The following ARHGAP21 variants were observed in gnomAD, a reference collection of about 807,000 sequenced individuals.
The protein encoded by ARHGAP21 is rho GTPase-activating protein 21.
A neutral mutation model predicts 164.6 loss-of-function variants in ARHGAP21; 38 were observed. The ratio of observed to expected loss-of-function variants is 0.23; its 90% CI spans 0.18 to 0.30. ARHGAP21 has a LOEUF of 0.30. ARHGAP21 is among the 10% of genes least tolerant of loss of function. The probability of loss-of-function intolerance (pLI) is 1.00; values close to 1 mark genes in which losing one functional copy is unlikely to be tolerated. For synonymous variants in ARHGAP21, 766 were observed against 857.9 expected, an observed-to-expected ratio of 0.89 and a Z score of 1.87; for missense variants, 1,822 against 2,370.7, an observed-to-expected ratio of 0.77 and a Z score of 4.81.
intron 6 of ARHGAP21, 35 bp from the exon 7 acceptor site, chr10:24,630,085 A>T (rs1014971174): frequency 8.2e-7 from 1 of 1,224,436 alleles, no homozygotes; most frequent in Admixed American, 2.6e-5. Flanking sequence ...TAGGAGAGGT[A>T]GAAGTGTATA....
intron 4 of ARHGAP21, among the ~76,000 whole-genome samples, chr10:24,664,775 T>C (rs1223148905): frequency 6.6e-6 from 1 of 152,058 alleles, no homozygotes; most frequent in East Asian, 1.9e-4. Context: ...ACTGTTATCT[T>C]CTCCAGCAGA....
chr10:24,585,932 C>T lies in ARHGAP21; in HGVS notation c.4357G>A (p.Asp1453Asn), dbSNP rs1020523653. The change falls in exon 26 of 26, where the codon GAT (aspartate) becomes AAT (asparagine). Residue 1453 changes from aspartate (D) to asparagine (N), a missense_variant. Around this residue, in one of 5 missense-constraint regions of ARHGAP21, gnomAD observed 333 missense variants for 383.9 expected, o/e 0.87. Transcript: ENST00000396432. Reference protein sequence around the residue: ...KKENVEQCHNDTKEESKKESE... With the variant: ...KKENVEQCHNNTKEESKKESE... Reference sequence around the variant, plus strand: ...TCTTTTTTGGACTCCTCTTTAGTATCATTGTGACACTGTTCCACATTTTCT... The same window carrying T: ...TCTTTTTTGGACTCCTCTTTAGTATTATTGTGACACTGTTCCACATTTTCT... 4 of 1,614,114 alleles carry T rather than the reference C, an allele frequency of 2.5e-6. No homozygotes were observed. The highest frequency in any genetic ancestry group is 1.7e-5 in the Admixed American group (1 of 60,026).
chr10:24,711,494 A>C (rs578241830), intron 2 of ARHGAP21, among the ~76,000 whole-genome samples: 1 of 152,300 alleles, frequency 6.6e-6, no homozygotes, highest in Admixed American at 6.5e-5. Context: ...TCCTTTAGAA[A>C]ACTCAAACCT....
Position 24,583,849 on chromosome 10 carries a change from A to G in ARHGAP21, c.*563T>C, listed in dbSNP as rs2075991697. 1 of 152,670 alleles carries G rather than the reference A, an allele frequency of 6.6e-6. No homozygotes were observed. Among genetic ancestry groups the G allele is most frequent in the African/African-American group, 2.4e-5 (1 of 41,462 alleles). The allele number at this position is 152,670 out of a possible 1,614,324, so 9.5% of individuals were successfully genotyped here. ...AGTTACGTATTTTACAGAAAGATTA[A>G]AAATTCAAGTCACACAAAACTCAAA... On this transcript the variant is annotated 3_prime_UTR_variant, in exon 26 of 26. Coordinates refer to ENST00000396432, the MANE Select transcript of ARHGAP21 (RefSeq NM_020824.4).
intron 2 of ARHGAP21, among the ~76,000 whole-genome samples, chr10:24,678,878 T>C (rs560828609): frequency 1.5e-4 from 23 of 152,318 alleles, no homozygotes; most frequent in Admixed American, 3.3e-4. Flanking sequence ...CCATTTGGGA[T>C]TGGCTTTTTT....
Position 24,585,343 on chromosome 10 carries a change from G to A in ARHGAP21, c.4946C>T (p.Thr1649Ile). The A allele has an allele frequency of 6.2e-7, 1 of 1,613,472 alleles. No homozygotes were observed. ...SEFPVFPTAL[T>I]SERLFRGKLQ... ...TTTTCCTCGGAAAAGCCTCTCTGAA[G>A]TCAAGGCTGTGGGGAACACGGGAAA... The change falls in exon 26 of 26, where the codon ACT becomes ATT. Residue 1649 changes from threonine (T) to isoleucine (I), a missense_variant. Coordinates refer to ENST00000396432, the MANE Select transcript of ARHGAP21 (RefSeq NM_020824.4).
At chr10:24,683,694 G>C (rs1263713261) in intron 2 of ARHGAP21, among the ~76,000 whole-genome samples, 2 of 152,058 alleles carry the variant, frequency 1.3e-5, no homozygotes, top group Non-Finnish European at 1.5e-5. Context: ...ACCTGGTCTA[G>C]GCTATGTCCA....
chr10:24,594,171 A>G (rs573836694), intron 21 of ARHGAP21, among the ~76,000 whole-genome samples: 208 of 152,336 alleles, frequency 1.4e-3, no homozygotes, highest in African/African-American at 4.7e-3. Flanking sequence ...GTACTTTAAG[A>G]AGTAATGCCC....
At chr10:24,613,709 T>G (rs76006004) in intron 9 of ARHGAP21, among the ~76,000 whole-genome samples, 7,350 of 152,254 alleles carry the variant, frequency 0.048, 245 homozygotes, top group Non-Finnish European at 0.072. Flanking sequence ...GAGGAACTAC[T>G]GTGAAGTAGG....
chr10:24,658,725 G>GC (rs1384305532), intron 4 of ARHGAP21, among the ~76,000 whole-genome samples: 4 of 152,098 alleles, frequency 2.6e-5, no homozygotes, highest in African/African-American at 9.7e-5. Flanking sequence ...TATACCTAAT[G>GC]TAAATGACGA....
At chr10:24,646,989 G>A (rs565540856) in intron 4 of ARHGAP21, among the ~76,000 whole-genome samples, 14 of 152,180 alleles carry the variant, frequency 9.2e-5, no homozygotes, top group South Asian at 6.2e-4. Flanking sequence ...TTAATACTCC[G>A]CCATGCACTT....
chr10:24,651,475 T>G (rs1433783927), intron 4 of ARHGAP21, among the ~76,000 whole-genome samples: 4 of 152,238 alleles, frequency 2.6e-5, no homozygotes, highest in Non-Finnish European at 5.9e-5. Flanking sequence ...CATCCTGGTT[T>G]AGTTTATGCT....
intron 7 of ARHGAP21, among the ~76,000 whole-genome samples, chr10:24,625,306 A>AAAAAAAAAAAAAAAAAAC (rs1835025174): frequency 6.7e-6 from 1 of 149,890 alleles, no homozygotes; most frequent in Non-Finnish European, 1.5e-5. Flanking sequence ...AGAGAAAAAA[A>AAAAAAAAAAAAAAAAAAC]AAAAAAAAAA....
At chr10:24,677,764 A>G (rs567721424) in intron 2 of ARHGAP21, among the ~76,000 whole-genome samples, 4 of 152,188 alleles carry the variant, frequency 2.6e-5, no homozygotes, top group Non-Finnish European at 5.9e-5. Context: ...AGTTCATTGT[A>G]TATGTGCAGA....
At chr10:24,721,712 C>T in intron 2 of ARHGAP21, 125 bp downstream of exon 2, 1 of 1,125,636 alleles carries the variant, frequency 8.9e-7, no homozygotes, top group Admixed American at 2.1e-5. Flanking sequence ...GGGGCGCTCC[C>T]GCCAACAGGC....
At chr10:24,682,642 A>G (rs563065144) in intron 2 of ARHGAP21, among the ~76,000 whole-genome samples, 1 of 152,220 alleles carries the variant, frequency 6.6e-6, no homozygotes, top group Non-Finnish European at 1.5e-5. Context: ...AGTATGCTTG[A>G]TAACTTCACA....
intron 2 of ARHGAP21, among the ~76,000 whole-genome samples, chr10:24,690,284 TTTTG>T (rs999791185): frequency 1.4e-4 from 22 of 152,192 alleles, no homozygotes; most frequent in Non-Finnish European, 1.6e-4. Context: ...AATGTTTACT[TTTTG>T]TTTGTTTTTA....
intron 2 of ARHGAP21, among the ~76,000 whole-genome samples, chr10:24,673,907 T>C (rs1376798070): frequency 6.6e-6 from 1 of 152,234 alleles, no homozygotes; most frequent in East Asian, 1.9e-4. Context: ...ATGTAACACT[T>C]AAAACTATGA....
intron 2 of ARHGAP21, among the ~76,000 whole-genome samples, chr10:24,704,660 G>T (rs1844052549): frequency 6.6e-6 from 1 of 151,882 alleles, no homozygotes; most frequent in Non-Finnish European, 1.5e-5. Flanking sequence ...GTAGAGACAG[G>T]GTTTTGCCAT....
Sources: gnomAD v4.1 joint callset for allele counts (sites outside exome capture counted in the v4.1 genomes callset) on GRCh38, gnomAD v4.1.1 for gene constraint, gnomAD v4.1.1 regional missense constraint, MANE v1.5 for transcripts, NCBI Gene and HGNC (gene_info 2026-07-23, HGNC 2026-07-21) for gene names.